SV2C: variants seen among roughly 807,000 people sequenced by gnomAD.
SV2C encodes solute carrier family 22 member B3.
In SV2C, 49 loss-of-function variants were observed where a neutral mutation model predicts 79.7. That is an observed-to-expected ratio of 0.61 (90% CI 0.49 to 0.78). The LOEUF (loss-of-function observed/expected upper bound fraction) is 0.78, where lower values mean the gene tolerates loss of function less well. Ranked by LOEUF, SV2C falls within the 30% of genes least tolerant of loss-of-function variation. The pLI, the probability that SV2C is intolerant of heterozygous loss-of-function variation, is 0.00. For synonymous variants in SV2C, 334 were observed against 333.2 expected, an observed-to-expected ratio of 1.00 and a Z score of -0.03; for missense variants, 833 against 912.9, an observed-to-expected ratio of 0.91 and a Z score of 1.13.
chr5:76,304,827 C>T (rs371599945), intron 12 of SV2C, among the ~76,000 whole-genome samples: 30 of 152,126 alleles, frequency 2.0e-4, no homozygotes, highest in Admixed American at 2.0e-4. Context: ...CTCCTAAAGG[C>T]CCCCCTCTCT....
At chr5:75,953,630 G>C in the SV2C span, among the ~76,000 whole-genome samples, 2 of 151,896 alleles carry the variant, frequency 1.3e-5, no homozygotes, top group Non-Finnish European at 2.9e-5. Flanking sequence ...ATATGCTACA[G>C]GCTAGAAGTG....
chr5:76,229,570 C>T (rs1229965863), intron 4 of SV2C, among the ~76,000 whole-genome samples: 3 of 152,210 alleles, frequency 2.0e-5, no homozygotes, highest in Non-Finnish European at 4.4e-5. Flanking sequence ...TTCTTTGTCA[C>T]TTTCTGATGA....
At chr5:76,133,934 T>TTG (rs1748984724) in intron 2 of SV2C, among the ~76,000 whole-genome samples, 1 of 152,188 alleles carries the variant, frequency 6.6e-6, no homozygotes, top group Admixed American at 6.5e-5. Context: ...ATTTAATAAT[T>TTG]GCCAGCTTAA....
intron 12 of SV2C, among the ~76,000 whole-genome samples, chr5:76,307,101 G>A (rs1262379108): frequency 6.6e-6 from 1 of 152,060 alleles, no homozygotes; most frequent in Non-Finnish European, 1.5e-5. Context: ...ACTATGTTTG[G>A]GGTTTGCTCA....
At chr5:76,177,409 C>T (rs1342214790) in intron 2 of SV2C, among the ~76,000 whole-genome samples, 2 of 151,552 alleles carry the variant, frequency 1.3e-5, no homozygotes, top group Non-Finnish European at 2.9e-5. Context: ...TCAATATATA[C>T]ATACCCATGG....
chr5:75,900,433 G>A, the SV2C span, among the ~76,000 whole-genome samples: 14 of 152,250 alleles, frequency 9.2e-5, no homozygotes, highest in South Asian at 1.2e-3. Context: ...TGAGAGATCC[G>A]CTGTTAGTCT....
At chr5:76,139,716 G>T (rs1232631342) in intron 2 of SV2C, among the ~76,000 whole-genome samples, 95 of 152,232 alleles carry the variant, frequency 6.2e-4, no homozygotes, top group African/African-American at 2.1e-3. Context: ...TAAAACATCT[G>T]CAATATTAGC....
intron 12 of SV2C, among the ~76,000 whole-genome samples, chr5:76,339,142 G>A (rs975755740): frequency 6.6e-6 from 1 of 151,974 alleles, no homozygotes; most frequent in African/African-American, 2.4e-5. Flanking sequence ...CAAAATTAAC[G>A]TAAAAGTAAC....
At chr5:75,928,888 G>T in the SV2C span, among the ~76,000 whole-genome samples, 2,343 of 152,228 alleles carry the variant, frequency 0.015, 63 homozygotes, top group African/African-American at 0.053. Flanking sequence ...TGGAGGAAAT[G>T]CCTGGATAGT....
At position 76,132,138 on chromosome 5, in the gene SV2C, G is replaced by A. The variant is rs1012156005; in HGVS notation, c.388G>A (p.Asp130Asn). Residue 130 changes from aspartate to asparagine, a missense_variant, in exon 2 of 13, where the codon GAC (aspartate) becomes AAC (asparagine). By Grantham distance (23) the Asp-to-Asn change is conservative. Transcript: ENST00000502798. ...GGAGCTGGAATCAGAAAGGAGAGCT[G>A]ACGAGGAAGAGTTAGCCCAGCAGTA... Reference protein sequence around the residue: ...RRELESERRADEEELAQQYEL... With the variant: ...RRELESERRANEEELAQQYEL... 2 of 1,614,048 alleles carry A rather than the reference G, an allele frequency of 1.2e-6. No individual in the cohort carries two copies. The highest frequency in any genetic ancestry group is 1.3e-5 in the African/African-American group (1 of 74,926).
chr5:75,971,353 G>A, the SV2C span, among the ~76,000 whole-genome samples: 1 of 151,906 alleles, frequency 6.6e-6, no homozygotes, highest in Non-Finnish European at 1.5e-5. Context: ...GGAAATAAAG[G>A]GTATTCAATT....
At chr5:76,163,166 TCTC>T (rs1266729922) in intron 2 of SV2C, among the ~76,000 whole-genome samples, 5 of 151,980 alleles carry the variant, frequency 3.3e-5, no homozygotes, top group Non-Finnish European at 5.9e-5. Context: ...CAGGTCCCCT[TCTC>T]CTCTTTGAGG....
At chr5:75,904,400 C>CAGAGAG in the SV2C span, among the ~76,000 whole-genome samples, 8,827 of 138,718 alleles carry the variant, frequency 0.064, 250 homozygotes, top group Non-Finnish European at 0.068. Context: ...AAAACAAACC[C>CAGAGAG]AGAGAGAGAG....
At chr5:75,883,855 CA>C in the SV2C span, among the ~76,000 whole-genome samples, 13,048 of 134,298 alleles carry the variant, frequency 0.097, 1,671 homozygotes, top group African/African-American at 0.32. Context: ...AAAAAAAAAA[CA>C]AAAAAAAAAC....
At chr5:76,253,224 C>T (rs922906919) in intron 4 of SV2C, among the ~76,000 whole-genome samples, 2 of 152,160 alleles carry the variant, frequency 1.3e-5, no homozygotes, top group African/African-American at 2.4e-5. Flanking sequence ...AATGGAAATT[C>T]AAGGTCAAAG....
intron 2 of SV2C, among the ~76,000 whole-genome samples, chr5:76,179,828 G>A (rs2112297424): frequency 6.6e-6 from 1 of 152,294 alleles, no homozygotes; most frequent in African/African-American, 2.4e-5. Flanking sequence ...GAAACAAAAG[G>A]TCACATAGGA....
chr5:76,184,655 C>G (rs892160387), intron 2 of SV2C, among the ~76,000 whole-genome samples: 4 of 152,174 alleles, frequency 2.6e-5, no homozygotes, highest in African/African-American at 9.7e-5. Context: ...GTAAAACTCT[C>G]AGATCTCATG....
At chr5:76,027,866 G>A in the SV2C span, among the ~76,000 whole-genome samples, 1 of 152,114 alleles carries the variant, frequency 6.6e-6, no homozygotes, top group African/African-American at 2.4e-5. Context: ...TTTCCATTCT[G>A]GATGGTGGGA....
At chr5:76,199,348 A>G (rs917786835) in intron 3 of SV2C, among the ~76,000 whole-genome samples, 4 of 152,158 alleles carry the variant, frequency 2.6e-5, no homozygotes, top group African/African-American at 7.2e-5. Context: ...TCTGGTGCAC[A>G]TAGGCCCCCG....
Sources: allele counts gnomAD v4.1 joint callset (sites outside exome capture counted in the v4.1 genomes callset), GRCh38; gene constraint gnomAD v4.1.1; transcripts MANE v1.5; gene names NCBI Gene and HGNC (gene_info 2026-07-23, HGNC 2026-07-21).